The following SERTM1 variants were observed in gnomAD, a reference collection of about 807,000 sequenced individuals.
The protein encoded by SERTM1 is serine-rich and transmembrane domain-containing protein 1.
A neutral mutation model predicts 5.5 loss-of-function variants in SERTM1; 1 was observed. That is an observed-to-expected ratio of 0.18 (90% CI 0.06 to 0.86). The LOEUF is 0.86. Ranked by LOEUF, SERTM1 falls within the 40% of genes least tolerant of loss-of-function variation. The pLI is 0.69. For synonymous variants in SERTM1, 52 were observed against 55.1 expected (o/e 0.94, Z 0.25); for missense variants, 91 against 122.4 (o/e 0.74, Z 1.21).
intron 1 of SERTM1, among the ~76,000 whole-genome samples, chr13:36,686,875 C>G: frequency 6.6e-6 from 1 of 152,040 alleles, no homozygotes; most frequent in Non-Finnish European, 1.5e-5. Context: ...CTTTTTTTCT[C>G]TGAGTATTCA....
chr13:36,695,523 C>G lies in SERTM1; in HGVS notation c.*121C>G. The G allele has an allele frequency of 1.4e-6, 1 of 709,234 alleles. No homozygotes were observed. Among genetic ancestry groups the G allele is most frequent in the Non-Finnish European group, 2.4e-6 (1 of 416,938 alleles). The allele number at this position is 709,234 out of a possible 1,614,324, so 43.9% of individuals were successfully genotyped here. A position where few individuals can be genotyped will look rare whatever the true frequency, so the allele number is the denominator to read the frequency against. ...TGGTGTAGACCTGCTTCTCCTTCTCCTTTTTCTCTGATTTCTTTTCTGTTC... is the reference window on the plus strand; with the variant it reads ...TGGTGTAGACCTGCTTCTCCTTCTCGTTTTTCTCTGATTTCTTTTCTGTTC... On this transcript the variant is annotated 3_prime_UTR_variant, in exon 2 of 2. Coordinates refer to ENST00000315190, the MANE Select transcript of SERTM1 (RefSeq NM_203451.3).
At position 36,697,805 on chromosome 13, in the gene SERTM1, T is replaced by G. The variant is rs1005737185; in HGVS notation, c.*2403T>G. On this transcript the variant is annotated 3_prime_UTR_variant, in exon 2 of 2. Coordinates refer to ENST00000315190, the MANE Select transcript of SERTM1 (RefSeq NM_203451.3). ...TAAGAAGTTCAGAAAGGTTGGAAGA[T>G]GGGTTTATAAATAAAGAAGTGGAGT... The G allele has an allele frequency of 6.0e-6, 1 of 167,060 alleles. No homozygotes were observed. The allele number at this position is 167,060 out of a possible 1,614,324, so 10.3% of individuals were successfully genotyped here. A position where few individuals can be genotyped will look rare whatever the true frequency, so the allele number is the denominator to read the frequency against.
intron 1 of SERTM1, among the ~76,000 whole-genome samples, chr13:36,678,377 A>G (rs1040579980): frequency 3.9e-5 from 6 of 152,136 alleles, no homozygotes; most frequent in African/African-American, 1.4e-4. Flanking sequence ...TTGTTTTACA[A>G]AAAATGGAAT....
intron 1 of SERTM1, among the ~76,000 whole-genome samples, chr13:36,687,379 T>A (rs2056748466): frequency 6.6e-6 from 1 of 152,210 alleles, no homozygotes; most frequent in South Asian, 2.1e-4. Context: ...GAGATAGATA[T>A]AAATAGTGAC....
chr13:36,689,755 C>T (rs1186232780), intron 1 of SERTM1, among the ~76,000 whole-genome samples: 1 of 150,162 alleles, frequency 6.7e-6, no homozygotes, highest in African/African-American at 2.4e-5. Flanking sequence ...GAGAATTATA[C>T]CTTACGTAGA....
chr13:36,693,846 G>A (rs1235681190), intron 1 of SERTM1, among the ~76,000 whole-genome samples: 1 of 152,136 alleles, frequency 6.6e-6, no homozygotes. Flanking sequence ...ACAGAGCTAG[G>A]AAGAGCATCT....
At chr13:36,677,151 G>A (rs1222417361) in intron 1 of SERTM1, among the ~76,000 whole-genome samples, 3 of 152,058 alleles carry the variant, frequency 2.0e-5, no homozygotes, top group South Asian at 2.1e-4. Context: ...CATAAAATGC[G>A]TCCTTCACGA....
At chr13:36,692,296 G>A (rs937807372) in intron 1 of SERTM1, among the ~76,000 whole-genome samples, 3 of 152,184 alleles carry the variant, frequency 2.0e-5, no homozygotes, top group Non-Finnish European at 2.9e-5. Flanking sequence ...TGGTCTGAAA[G>A]AAGGCAATCT....
In SERTM1 at chr13:36,695,061, C is replaced by T; in HGVS notation, c.-18C>T. ...TTTGACTTTAATCTACCAGATCACT[C>T]CTTCACCCTCCATAAAGATGTCTGA... On this transcript the variant is annotated 5_prime_UTR_variant, in exon 2 of 2. Coordinates refer to ENST00000315190, the MANE Select transcript of SERTM1 (RefSeq NM_203451.3). The T allele has an allele frequency of 6.3e-7, 1 of 1,589,310 alleles. No individual in the cohort carries two copies. Among genetic ancestry groups the T allele is most frequent in the Non-Finnish European group, 8.6e-7 (1 of 1,160,688 alleles).
chr13:36,684,115 TG>T (rs1292469582), intron 1 of SERTM1, among the ~76,000 whole-genome samples: 1 of 152,032 alleles, frequency 6.6e-6, no homozygotes. Context: ...CTGGGCAACA[TG>T]GTGAAACCCC....
Position 36,696,231 on chromosome 13 carries a change from A to T in SERTM1, c.*829A>T, listed in dbSNP as rs181667276. ...TAATTTCTATCAGTGAGAATTAAGC[A>T]TATGGAAAATATTCATTTAGTTGTA... On this transcript the variant is annotated 3_prime_UTR_variant, in exon 2 of 2. Coordinates refer to ENST00000315190, the MANE Select transcript of SERTM1 (RefSeq NM_203451.3). The T allele has an allele frequency of 5.6e-4, 93 of 167,070 alleles. No homozygotes were observed. The highest frequency in any genetic ancestry group is 2.2e-3 in the African/African-American group (92 of 41,596). 10.3% of individuals were successfully genotyped at this position (167,070 alleles called of 1,614,324 possible). A position where few individuals can be genotyped will look rare whatever the true frequency, so the allele number is the denominator to read the frequency against.
chr13:36,694,954 G>T lies in SERTM1; in HGVS notation c.-125G>T. On this transcript the variant is annotated 5_prime_UTR_variant, in exon 2 of 2. Coordinates refer to ENST00000315190, the MANE Select transcript of SERTM1 (RefSeq NM_203451.3). Reference sequence around the variant, plus strand: ...CTGCCTTTGAGAAACAAGTTTTGTTGTGCTGATTTAACAGCCTGTGAATTC... The same window carrying T: ...CTGCCTTTGAGAAACAAGTTTTGTTTTGCTGATTTAACAGCCTGTGAATTC... 2 of 682,780 alleles carry T rather than the reference G, an allele frequency of 2.9e-6. No individual in the cohort carries two copies. Among genetic ancestry groups the T allele is most frequent in the Non-Finnish European group, 2.5e-6 (1 of 398,878 alleles). The allele number at this position is 682,780 out of a possible 1,614,324, so 42.3% of individuals were successfully genotyped here. A position where few individuals can be genotyped will look rare whatever the true frequency, so the allele number is the denominator to read the frequency against.
chr13:36,696,214 A>G lies in SERTM1; in HGVS notation c.*812A>G, dbSNP rs759098690. 3 of 166,952 alleles carry G rather than the reference A, an allele frequency of 1.8e-5. No individual in the cohort carries two copies. Among genetic ancestry groups the G allele is most frequent in the Non-Finnish European group, 2.9e-5 (2 of 68,124 alleles). The allele number at this position is 166,952 out of a possible 1,614,324, so 10.3% of individuals were successfully genotyped here. ...AGAAGTTTTTATATGAATAATTTCT[A>G]TCAGTGAGAATTAAGCATATGGAAA... is the stretch of plus-strand genomic sequence containing the variant. On this transcript the variant is annotated 3_prime_UTR_variant, in exon 2 of 2. Coordinates refer to ENST00000315190, the MANE Select transcript of SERTM1 (RefSeq NM_203451.3).
intron 1 of SERTM1, among the ~76,000 whole-genome samples, chr13:36,684,335 A>G (rs2056726649): frequency 6.6e-6 from 1 of 152,162 alleles, no homozygotes; most frequent in Admixed American, 6.5e-5. Flanking sequence ...CTCATTTGCT[A>G]AAAAAGATGA....
intron 1 of SERTM1, among the ~76,000 whole-genome samples, chr13:36,689,395 C>T (rs1270052218): frequency 6.6e-6 from 1 of 151,734 alleles, no homozygotes; most frequent in Non-Finnish European, 1.5e-5. Flanking sequence ...ATCCCCGCTA[C>T]TAGGGAGGCT....
At chr13:36,680,262 A>C (rs2056696481) in intron 1 of SERTM1, among the ~76,000 whole-genome samples, 1 of 152,182 alleles carries the variant, frequency 6.6e-6, no homozygotes, top group Non-Finnish European at 1.5e-5. Flanking sequence ...CTCGCCAACA[A>C]AATGGGTCTA....
chr13:36,687,153 T>C (rs375951110), intron 1 of SERTM1, among the ~76,000 whole-genome samples: 3 of 152,324 alleles, frequency 2.0e-5, no homozygotes, highest in African/African-American at 7.2e-5. Flanking sequence ...GGGTTCTATC[T>C]GTAGTTGTGT....
chr13:36,695,765 G>A lies in SERTM1; in HGVS notation c.*363G>A, dbSNP rs573196560. 3 of 214,200 alleles carry A rather than the reference G, an allele frequency of 1.4e-5. No homozygotes were observed. The highest frequency in any genetic ancestry group is 3.0e-5 in the Non-Finnish European group (3 of 99,564). The allele number at this position is 214,200 out of a possible 1,614,324, so 13.3% of individuals were successfully genotyped here. A position where few individuals can be genotyped will look rare whatever the true frequency, so the allele number is the denominator to read the frequency against. Reference sequence around the variant, plus strand: ...CGCACTTCATTTCTTTTACAAAGCCGTGAAATCAACTGAGCCTGCAGAAAC... The same window carrying A: ...CGCACTTCATTTCTTTTACAAAGCCATGAAATCAACTGAGCCTGCAGAAAC... On this transcript the variant is annotated 3_prime_UTR_variant, in exon 2 of 2. Coordinates refer to ENST00000315190, the MANE Select transcript of SERTM1 (RefSeq NM_203451.3).
At chr13:36,680,122 A>G (rs568016811) in intron 1 of SERTM1, among the ~76,000 whole-genome samples, 11 of 152,298 alleles carry the variant, frequency 7.2e-5, no homozygotes, top group African/African-American at 2.4e-4. Context: ...AGCATTTTGG[A>G]TAAGGGATAA....
Sources: allele counts gnomAD v4.1 joint callset (sites outside exome capture counted in the v4.1 genomes callset), GRCh38; gene constraint gnomAD v4.1.1; transcripts MANE v1.5; gene names NCBI Gene and HGNC (gene_info 2026-07-23, HGNC 2026-07-21).